The following APBA2 variants were observed in gnomAD, a reference collection of about 807,000 sequenced individuals.
APBA2 encodes the protein amyloid beta precursor protein binding family A member 2, also known as amyloid-beta A4 precursor protein-binding family A member 2.
In APBA2, 30 loss-of-function variants were observed where a neutral mutation model predicts 75.0. The observed-to-expected ratio is 0.40, with a 90% CI of 0.30 to 0.54. The LOEUF (loss-of-function observed/expected upper bound fraction) is 0.54. Among genes scored for constraint, APBA2 ranks in the 20% least tolerant of loss-of-function variants. The pLI is 0.49. For synonymous variants in APBA2, 444 were observed against 409.6 expected (o/e 1.08, Z -1.01); for missense variants, 801 against 1,016.1 (o/e 0.79, Z 2.88).
At chr15:29,057,634 G>A (rs1374921333) in intron 4 of APBA2, among the ~76,000 whole-genome samples, 2 of 152,156 alleles carry the variant, frequency 1.3e-5, no homozygotes, top group African/African-American at 4.8e-5. Flanking sequence ...TATGATAAAT[G>A]TTTCTCCATG....
intron 2 of APBA2, among the ~76,000 whole-genome samples, chr15:28,981,229 A>G (rs2037606171): frequency 6.6e-6 from 1 of 152,256 alleles, no homozygotes; most frequent in African/African-American, 2.4e-5. Context: ...GACAACCTAC[A>G]GAATGGGAGA....
At chr15:28,986,380 G>T (rs1163885999) in intron 2 of APBA2, among the ~76,000 whole-genome samples, 1 of 152,194 alleles carries the variant, frequency 6.6e-6, no homozygotes, top group Non-Finnish European at 1.5e-5. Flanking sequence ...CTTGAGTGTT[G>T]CAGTGGATGC....
chr15:28,959,376 G>T (rs892166656), intron 2 of APBA2, among the ~76,000 whole-genome samples: 1 of 152,222 alleles, frequency 6.6e-6, no homozygotes, highest in African/African-American at 2.4e-5. Flanking sequence ...TGTATTTGGA[G>T]AGAGGGTCTT....
intron 2 of APBA2, among the ~76,000 whole-genome samples, chr15:28,971,711 A>G (rs942018506): frequency 1.2e-4 from 18 of 152,090 alleles, no homozygotes; most frequent in African/African-American, 4.3e-4. Flanking sequence ...GAAGAGGAAA[A>G]TCTCTCTCCT....
At chr15:29,076,203 C>T (rs1180635954) in intron 6 of APBA2, 112 bp downstream of exon 6, 2 of 1,172,000 alleles carry the variant, frequency 1.7e-6, no homozygotes, top group Admixed American at 1.7e-5. Context: ...AGCGTGCCTA[C>T]CTACCAGCAA....
intron 1 of APBA2, among the ~76,000 whole-genome samples, chr15:28,905,896 C>T (rs1032271683): frequency 9.2e-5 from 14 of 152,160 alleles, no homozygotes; most frequent in African/African-American, 2.4e-4. Context: ...TATAAGGGCT[C>T]GAACTTTACA....
intron 3 of APBA2, among the ~76,000 whole-genome samples, chr15:29,015,220 G>T (rs2039598499): frequency 6.6e-6 from 1 of 152,186 alleles, no homozygotes; most frequent in Admixed American, 6.5e-5. Flanking sequence ...GAGCTGAGAG[G>T]CATGCTCTTG....
chr15:29,107,217 G>A (rs926712839), intron 12 of APBA2, among the ~76,000 whole-genome samples: 12 of 152,300 alleles, frequency 7.9e-5, no homozygotes, highest in Non-Finnish European at 1.3e-4. Context: ...GGGGAGGTGG[G>A]GCACCCTGCA....
chr15:29,053,701 G>T (rs945917415), intron 3 of APBA2, 144 bp from the exon 4 acceptor site: 2 of 609,050 alleles, frequency 3.3e-6, no homozygotes, highest in East Asian at 5.5e-5. Flanking sequence ...GTTAGCGGGG[G>T]TGGGGATGGC....
At chr15:28,938,287 C>G (rs2034992834) in intron 2 of APBA2, among the ~76,000 whole-genome samples, 1 of 152,090 alleles carries the variant, frequency 6.6e-6, no homozygotes, top group Non-Finnish European at 1.5e-5. Flanking sequence ...GTCCCAACAA[C>G]TTGGAAGCCA....
At chr15:28,895,714 A>G (rs145047903) in intron 1 of APBA2, 7,994 of 152,194 alleles carry the variant, frequency 0.053, 647 homozygotes, top group African/African-American at 0.18. Context: ...TGTCCACCTC[A>G]TTATCTCTGT....
intron 9 of APBA2, among the ~76,000 whole-genome samples, chr15:29,099,730 TC>T (rs2044024550): frequency 6.6e-6 from 1 of 152,182 alleles, no homozygotes; most frequent in South Asian, 2.1e-4. Flanking sequence ...CAGTACCTCT[TC>T]TTGCCAGTGT....
intron 2 of APBA2, among the ~76,000 whole-genome samples, chr15:28,944,294 A>G (rs551218316): frequency 6.6e-6 from 1 of 152,212 alleles, no homozygotes; most frequent in East Asian, 1.9e-4. Context: ...TCACCTGCCA[A>G]CCTGCCTCTT....
chr15:28,943,516 G>A (rs1309111240), intron 2 of APBA2, among the ~76,000 whole-genome samples: 1 of 152,216 alleles, frequency 6.6e-6, no homozygotes, highest in Non-Finnish European at 1.5e-5. Context: ...ATCCTGTTCG[G>A]TGGGTTAGGA....
chr15:28,891,969 A>T (rs975655337), intron 1 of APBA2, among the ~76,000 whole-genome samples: 1 of 152,242 alleles, frequency 6.6e-6, no homozygotes, highest in African/African-American at 2.4e-5. Flanking sequence ...TACAATATTT[A>T]TAAAGTCTAC....
At chr15:29,093,867 A>T (rs2043710621) in intron 7 of APBA2, among the ~76,000 whole-genome samples, 1 of 152,108 alleles carries the variant, frequency 6.6e-6, no homozygotes, top group Non-Finnish European at 1.5e-5. Context: ...AGAAGCAGAG[A>T]AGCACCATGA....
intron 3 of APBA2, among the ~76,000 whole-genome samples, chr15:29,005,285 G>A (rs1449615019): frequency 6.6e-6 from 1 of 151,732 alleles, no homozygotes; most frequent in African/African-American, 2.4e-5. Flanking sequence ...TTTTGAGGTA[G>A]CACCTCTGTC....
chr15:28,932,763 T>C (rs2034629618), intron 2 of APBA2, among the ~76,000 whole-genome samples: 1 of 152,214 alleles, frequency 6.6e-6, no homozygotes, highest in Non-Finnish European at 1.5e-5. Flanking sequence ...ATGCTTGTGT[T>C]CCACCAAATC....
At chr15:29,062,454 T>C (rs1280865062) in intron 4 of APBA2, among the ~76,000 whole-genome samples, 3 of 152,202 alleles carry the variant, frequency 2.0e-5, no homozygotes, top group Non-Finnish European at 4.4e-5. Context: ...TGGCTCCGCA[T>C]GAGCTTCTGA....
Sources: gnomAD v4.1 joint callset for allele counts (sites outside exome capture counted in the v4.1 genomes callset) on GRCh38, gnomAD v4.1.1 for gene constraint, MANE v1.5 for transcripts, NCBI Gene and HGNC (gene_info 2026-07-23, HGNC 2026-07-21) for gene names.